Variants in ADARB2 observed in about 807,000 individuals in gnomAD.
ADARB2 encodes inactive double-stranded RNA-specific editase B2.
A neutral mutation model predicts 62.2 loss-of-function variants in ADARB2; 25 were observed. The observed-to-expected ratio is 0.40, with a 90% CI of 0.29 to 0.56. The LOEUF (loss-of-function observed/expected upper bound fraction) is 0.56. ADARB2 is among the 20% of genes least tolerant of loss of function. ADARB2 has a pLI of 0.43. For synonymous variants in ADARB2, 572 were observed against 500.8 expected (o/e 1.14, Z -1.90); for missense variants, 1,071 against 1,077.4 (o/e 0.99, Z 0.08).
At chr10:1,582,917 T>C (rs1201637637) in intron 1 of ADARB2, among the ~76,000 whole-genome samples, 1 of 152,330 alleles carries the variant, frequency 6.6e-6, no homozygotes, top group African/African-American at 2.4e-5. Context: ...ATGAGCGTGT[T>C]AATGACACTA....
chr10:1,554,866 A>G (rs1310573854), intron 1 of ADARB2, among the ~76,000 whole-genome samples: 1 of 152,014 alleles, frequency 6.6e-6, no homozygotes, highest in Non-Finnish European at 1.5e-5. Flanking sequence ...CATAGAACCC[A>G]ATAGTTTTTC....
chr10:1,699,240 AT>A (rs1834790624), intron 1 of ADARB2, among the ~76,000 whole-genome samples: 7 of 117,678 alleles, frequency 5.9e-5, no homozygotes, highest in Non-Finnish European at 9.4e-5. Flanking sequence ...GCGCTCGCCA[AT>A]ACACTCAATC....
At chr10:1,522,730 G>A (rs960337928) in intron 1 of ADARB2, among the ~76,000 whole-genome samples, 9 of 152,122 alleles carry the variant, frequency 5.9e-5, no homozygotes, top group East Asian at 3.9e-4. Context: ...TATTGAACTC[G>A]TGGATCTTAG....
intron 4 of ADARB2, among the ~76,000 whole-genome samples, chr10:1,263,392 A>G (rs1831163001): frequency 6.6e-6 from 1 of 152,154 alleles, no homozygotes; most frequent in Admixed American, 6.5e-5. Flanking sequence ...AGTGTCCTTT[A>G]TTTTTTCACC....
intron 1 of ADARB2, among the ~76,000 whole-genome samples, chr10:1,492,669 C>T (rs2131932639): frequency 6.6e-6 from 1 of 152,192 alleles, no homozygotes; most frequent in East Asian, 1.9e-4. Flanking sequence ...TCACCTGGGA[C>T]TCGACTAAGG....
chr10:1,363,926 G>T lies in ADARB2; in HGVS notation c.188-9C>A, dbSNP rs1206897500. 1 of 1,458,434 alleles carries T rather than the reference G, an allele frequency of 6.9e-7. No homozygotes were observed. Among genetic ancestry groups the T allele is most frequent in the Non-Finnish European group, 9.0e-7 (1 of 1,116,582 alleles). 90.3% of individuals were successfully genotyped at this position (1,458,434 alleles called of 1,614,324 possible). A position where few individuals can be genotyped will look rare whatever the true frequency, so the allele number is the denominator to read the frequency against. Reference sequence around the variant, plus strand: ...CTCCGCGCTGCTGGTACCTGGAGGGGAGAACAGACCAGTCAGGAGCCTGGG... The same window carrying T: ...CTCCGCGCTGCTGGTACCTGGAGGGTAGAACAGACCAGTCAGGAGCCTGGG... On this transcript the variant is annotated splice_polypyrimidine_tract_variant and intron_variant, in intron 2 of 9. Coordinates refer to ENST00000381312, the MANE Select transcript of ADARB2 (RefSeq NM_018702.4).
chr10:1,307,993 G>C (rs1831647046), intron 3 of ADARB2, among the ~76,000 whole-genome samples: 2 of 148,134 alleles, frequency 1.4e-5, no homozygotes, highest in South Asian at 2.2e-4. Flanking sequence ...TGACAAGTTA[G>C]TGGGTGCAGC....
intron 1 of ADARB2, among the ~76,000 whole-genome samples, chr10:1,675,702 G>T (rs891020988): frequency 3.9e-5 from 6 of 152,118 alleles, no homozygotes; most frequent in African/African-American, 1.4e-4. Flanking sequence ...CTGGAGGTTT[G>T]GGTTCAGGGA....
At chr10:1,711,017 C>T (rs894591126) in intron 1 of ADARB2, among the ~76,000 whole-genome samples, 2 of 152,144 alleles carry the variant, frequency 1.3e-5, no homozygotes, top group Admixed American at 6.5e-5. Flanking sequence ...TGCAAACTCT[C>T]AGGGCACCAT....
At chr10:1,456,662 G>A (rs1275055585) in intron 1 of ADARB2, among the ~76,000 whole-genome samples, 2 of 152,156 alleles carry the variant, frequency 1.3e-5, no homozygotes, top group Non-Finnish European at 2.9e-5. Flanking sequence ...GACGCGCGGG[G>A]CGTGGTAAAA....
At chr10:1,667,286 T>G (rs1834327304) in intron 1 of ADARB2, among the ~76,000 whole-genome samples, 1 of 152,234 alleles carries the variant, frequency 6.6e-6, no homozygotes, top group African/African-American at 2.4e-5. Flanking sequence ...GCATCAGGAC[T>G]GAATCATATG....
At chr10:1,278,503 A>G (rs1414022870) in intron 3 of ADARB2, among the ~76,000 whole-genome samples, 1 of 150,824 alleles carries the variant, frequency 6.6e-6, no homozygotes, top group Non-Finnish European at 1.5e-5. Flanking sequence ...TCTTCCACTC[A>G]TAAGTGAGAA....
chr10:1,583,794 G>A (rs1404529034), intron 1 of ADARB2, among the ~76,000 whole-genome samples: 2 of 152,186 alleles, frequency 1.3e-5, no homozygotes, highest in Admixed American at 1.3e-4. Flanking sequence ...TGAAGGAGAA[G>A]CACCAACTGG....
intron 1 of ADARB2, among the ~76,000 whole-genome samples, chr10:1,467,929 T>G (rs1831272644): frequency 6.6e-6 from 1 of 152,190 alleles, no homozygotes; most frequent in Non-Finnish European, 1.5e-5. Flanking sequence ...CTACCTCTGC[T>G]ACAATTCTAA....
chr10:1,472,805 C>T (rs1831342665), intron 1 of ADARB2, among the ~76,000 whole-genome samples: 1 of 152,194 alleles, frequency 6.6e-6, no homozygotes, highest in Admixed American at 6.5e-5. Flanking sequence ...CTCACACTGA[C>T]TTGAGGAGGC....
At chr10:1,469,345 C>T (rs926598071) in intron 1 of ADARB2, among the ~76,000 whole-genome samples, 8 of 152,152 alleles carry the variant, frequency 5.3e-5, no homozygotes, top group African/African-American at 1.9e-4. Flanking sequence ...CTAAGTCCAC[C>T]GTCTTTATTC....
chr10:1,323,614 G>C (rs559037154), intron 3 of ADARB2, among the ~76,000 whole-genome samples: 1 of 152,256 alleles, frequency 6.6e-6, no homozygotes, highest in South Asian at 2.1e-4. Flanking sequence ...TGATGTTGGT[G>C]GATGGACGGA....
At position 1,704,025 on chromosome 10, in the gene ADARB2, A is replaced by G. The variant is rs4880914; in HGVS notation, c.100+33026T>C. 0.75 allele frequency among the ~76,000 whole-genome samples: 114,834 copies of G among 152,122 alleles called. 44,334 individuals are homozygous for G. The highest frequency in any genetic ancestry group is 0.93 in the East Asian group (4,826 of 5,166). On this transcript the variant is annotated intron_variant, in intron 1 of 9. Coordinates refer to ENST00000381312, the MANE Select transcript of ADARB2 (RefSeq NM_018702.4). The surrounding 1 kb of genome is among the most constrained non-coding windows in gnomAD (Gnocchi z 5.6). ...ATTAGCTATCTATTGCTTTGTGACA[A>G]GTTACCTCAAGAGTTAGTATCTTAA...
Position 1,258,323 on chromosome 10 carries a change from G to A in ADARB2, c.1192+12632C>T, listed in dbSNP as rs576308095. Among the ~76,000 whole-genome samples, 683 of 152,214 alleles carry A rather than the reference G, an allele frequency of 4.5e-3. 4 individuals carry two copies. The highest frequency in any genetic ancestry group is 7.8e-3 in the Admixed American group (119 of 15,300). ...ACACATAACAATACTAACCTTAAAT[G>A]TAAATGGGCTAAATGCTCCAATTAA... is the stretch of plus-strand genomic sequence containing the variant. On this transcript the variant is annotated intron_variant, in intron 4 of 9. Transcript: ENST00000381312.
Sources: allele counts gnomAD v4.1 joint callset (sites outside exome capture counted in the v4.1 genomes callset), GRCh38; gene constraint gnomAD v4.1.1; non-coding constraint Gnocchi (gnomAD v3.1); transcripts MANE v1.5; gene names NCBI Gene and HGNC (gene_info 2026-07-23, HGNC 2026-07-21).